ARNT2: variants seen among roughly 807,000 people sequenced by gnomAD.
ARNT2 encodes the protein ARNT protein 2.
In ARNT2, 36 loss-of-function variants were observed where a neutral mutation model predicts 91.7. The observed-to-expected ratio is 0.39, with a 90% CI of 0.30 to 0.52. ARNT2 has a LOEUF of 0.52. Ranked by LOEUF, ARNT2 falls within the 20% of genes least tolerant of loss-of-function variation. ARNT2 has a pLI of 0.72. For synonymous variants in ARNT2, 365 were observed against 347.1 expected, an observed-to-expected ratio of 1.05 and a Z score of -0.57; for missense variants, 775 against 939.3, an observed-to-expected ratio of 0.83 and a Z score of 2.29.
intron 11 of ARNT2, among the ~76,000 whole-genome samples, chr15:80,559,174 A>T (rs1898265831): frequency 6.6e-6 from 1 of 152,020 alleles, no homozygotes; most frequent in Non-Finnish European, 1.5e-5. Flanking sequence ...TGACGCTGTC[A>T]GAACCGGTTG....
chr15:80,481,334 T>C (rs982872041), intron 5 of ARNT2, among the ~76,000 whole-genome samples: 1 of 152,184 alleles, frequency 6.6e-6, no homozygotes, highest in Non-Finnish European at 1.5e-5. Context: ...AGTTTAAAGA[T>C]GGTGCATTCA....
chr15:80,471,622 C>T (rs1411310995), intron 4 of ARNT2, among the ~76,000 whole-genome samples: 1 of 152,106 alleles, frequency 6.6e-6, no homozygotes, highest in Admixed American at 6.5e-5. Context: ...TTGCTGGGTG[C>T]CTGGTGTGAG....
chr15:80,534,524 C>T (rs1178086852), intron 8 of ARNT2, among the ~76,000 whole-genome samples: 3 of 152,186 alleles, frequency 2.0e-5, no homozygotes, highest in Non-Finnish European at 2.9e-5. Flanking sequence ...TAGCACTTCT[C>T]GTTCTAGACT....
intron 1 of ARNT2, among the ~76,000 whole-genome samples, chr15:80,415,527 T>A (rs1464514182): frequency 1.3e-5 from 2 of 152,144 alleles, no homozygotes; most frequent in East Asian, 3.9e-4. Flanking sequence ...AGAGGTGGGT[T>A]CTGAAAAGCT....
At chr15:80,531,316 T>C (rs1258414796) in intron 8 of ARNT2, among the ~76,000 whole-genome samples, 1 of 152,190 alleles carries the variant, frequency 6.6e-6, no homozygotes, top group African/African-American at 2.4e-5. Context: ...CAAACAGCAG[T>C]TTCCAGTTAA....
intron 5 of ARNT2, among the ~76,000 whole-genome samples, chr15:80,505,947 T>TTTTTTTTTTTTAA (rs1897269038): frequency 8.3e-6 from 1 of 121,166 alleles, no homozygotes. Context: ...TTTTTTTTTT[T>TTTTTTTTTTTTAA]GAGACGGAGT....
chr15:80,457,797 T>G (rs1441969206), intron 2 of ARNT2, 132 bp from the exon 3 acceptor site: 1 of 907,754 alleles, frequency 1.1e-6, no homozygotes, highest in Non-Finnish European at 1.7e-6. Flanking sequence ...ATATTGCTTG[T>G]AGCACTGCCA....
intron 1 of ARNT2, among the ~76,000 whole-genome samples, chr15:80,434,991 C>A (rs1275293055): frequency 6.6e-6 from 1 of 152,114 alleles, no homozygotes; most frequent in African/African-American, 2.4e-5. Context: ...GAGGCAGCAC[C>A]TGGATCCTTA....
chr15:80,463,475 T>C (rs192862221), intron 3 of ARNT2, among the ~76,000 whole-genome samples: 2 of 151,760 alleles, frequency 1.3e-5, no homozygotes, highest in East Asian at 3.9e-4. Context: ...CTTCAGTGGG[T>C]TAGGGTTAGG....
intron 3 of ARNT2, among the ~76,000 whole-genome samples, chr15:80,464,767 C>A (rs958840942): frequency 4.6e-5 from 7 of 152,190 alleles, no homozygotes; most frequent in Non-Finnish European, 1.0e-4. Flanking sequence ...CAATGCCCTG[C>A]AGCATGCCTG....
intron 1 of ARNT2, among the ~76,000 whole-genome samples, chr15:80,438,003 G>A (rs923894735): frequency 4.0e-5 from 6 of 151,176 alleles, no homozygotes; most frequent in Non-Finnish European, 7.4e-5. Context: ...TTAGAGGTGC[G>A]TTGAGTTAAT....
In ARNT2 at chr15:80,404,506, T is replaced by C; in HGVS notation, c.-10T>C. 8.1e-7 allele frequency: 1 copy of C among 1,235,152 alleles called. No homozygotes were observed. The highest frequency in any genetic ancestry group is 1.6e-5 in the South Asian group (1 of 63,536). The allele number at this position is 1,235,152 out of a possible 1,614,324, so 76.5% of individuals were successfully genotyped here. A position where few individuals can be genotyped will look rare whatever the true frequency, so the allele number is the denominator to read the frequency against. On this transcript the variant is annotated 5_prime_UTR_variant, in exon 1 of 19. Coordinates refer to ENST00000303329, the MANE Select transcript of ARNT2 (RefSeq NM_014862.4). This position sits in a 1 kb window ranked among gnomAD's most constrained non-coding sequence, Gnocchi z 5.5. Reference sequence around the variant, plus strand: ...CCCTGCCAAGCGGGCGCCTATCCTCTCCGAGCAAGATGGCAACCCCGGCGG... The same window carrying C: ...CCCTGCCAAGCGGGCGCCTATCCTCCCCGAGCAAGATGGCAACCCCGGCGG...
At chr15:80,544,821 T>C (rs576731167) in intron 8 of ARNT2, among the ~76,000 whole-genome samples, 1 of 152,332 alleles carries the variant, frequency 6.6e-6, no homozygotes, top group South Asian at 2.1e-4. Context: ...GATGGAAGGA[T>C]GTTTGTCCCA....
chr15:80,407,930 G>C (rs1567172016), intron 1 of ARNT2, among the ~76,000 whole-genome samples: 1 of 152,170 alleles, frequency 6.6e-6, no homozygotes, highest in Non-Finnish European at 1.5e-5. Context: ...ATTCAGACCA[G>C]TAATCATTAG....
intron 8 of ARNT2, among the ~76,000 whole-genome samples, chr15:80,533,448 C>A (rs975103166): frequency 1.3e-5 from 2 of 151,940 alleles, no homozygotes; most frequent in African/African-American, 4.8e-5. Flanking sequence ...CCTGGGGTGC[C>A]CCAGGCAGAA....
intron 4 of ARNT2, among the ~76,000 whole-genome samples, chr15:80,472,170 A>G (rs1896741447): frequency 1.3e-5 from 2 of 152,166 alleles, no homozygotes; most frequent in South Asian, 4.1e-4. Context: ...TAGGAAATGC[A>G]AAAGTATGTA....
intron 12 of ARNT2, among the ~76,000 whole-genome samples, chr15:80,564,664 AC>A (rs113589511): frequency 0.4 from 57,122 of 143,376 alleles, 12,180 homozygotes; most frequent in Non-Finnish European, 0.47. Context: ...GTGATTTTTC[AC>A]CCCTTCCCTC....
At chr15:80,422,533 C>T (rs910741380) in intron 1 of ARNT2, among the ~76,000 whole-genome samples, 4 of 152,108 alleles carry the variant, frequency 2.6e-5, no homozygotes, top group African/African-American at 9.7e-5. Context: ...GATTTGAGAC[C>T]TCACTAAAGG....
In ARNT2 at chr15:80,552,530, T is replaced by G. The variant is rs536360228; in HGVS notation, c.955-110T>G. 11 of 1,370,082 alleles carry G rather than the reference T, an allele frequency of 8.0e-6. No homozygotes were observed. In the South Asian group the frequency reaches 1.5e-4, roughly 19 times the overall value. 84.9% of individuals were successfully genotyped at this position (1,370,082 alleles called of 1,614,324 possible). A position where few individuals can be genotyped will look rare whatever the true frequency, so the allele number is the denominator to read the frequency against. ...TTTAGGGTCATCGTACTAAATGACA[T>G]GGAAGGATCTTTGAAGTGAAATGCA... On this transcript the variant is annotated intron_variant, in intron 9 of 18. Coordinates refer to ENST00000303329, the MANE Select transcript of ARNT2 (RefSeq NM_014862.4).
Sources: gnomAD v4.1 joint callset for allele counts (sites outside exome capture counted in the v4.1 genomes callset) on GRCh38, gnomAD v4.1.1 for gene constraint, Gnocchi (gnomAD v3.1) non-coding constraint, MANE v1.5 for transcripts, NCBI Gene and HGNC (gene_info 2026-07-23, HGNC 2026-07-21) for gene names.